TBC1D22A: variants seen among roughly 807,000 people sequenced by gnomAD.
TBC1D22A encodes the protein TBC1 domain family member 22A, also known as putative GTPase activator.
Under a neutral mutation model 60.2 loss-of-function variants are expected in TBC1D22A, and 38 were observed. That is an observed-to-expected ratio of 0.63 (90% CI 0.49 to 0.83). TBC1D22A has a LOEUF of 0.83. TBC1D22A is among the 40% of genes least tolerant of loss of function. The probability of loss-of-function intolerance (pLI) is 0.00; values close to 1 mark genes in which losing one functional copy is unlikely to be tolerated. For missense variants in TBC1D22A, 628 were observed against 701.0 expected (o/e 0.90, Z 1.18); for synonymous variants, 302 against 281.7 (o/e 1.07, Z -0.72).
intron 8 of TBC1D22A, among the ~76,000 whole-genome samples, chr22:46,920,340 A>G (rs1432723594): frequency 2.6e-5 from 4 of 152,140 alleles, no homozygotes; most frequent in African/African-American, 7.2e-5. Flanking sequence ...TGGCCTCTCA[A>G]AGTGCTGGGA....
chr22:46,841,156 G>A (rs967892331), intron 4 of TBC1D22A, among the ~76,000 whole-genome samples: 4 of 152,044 alleles, frequency 2.6e-5, no homozygotes, highest in African/African-American at 9.7e-5. Flanking sequence ...GTGTTGAAAT[G>A]TAATCAGCAA....
chr22:46,961,673 C>G (rs2073511443), intron 8 of TBC1D22A, among the ~76,000 whole-genome samples: 1 of 152,110 alleles, frequency 6.6e-6, no homozygotes, highest in Non-Finnish European at 1.5e-5. Context: ...TTGATGGAGA[C>G]CAGGATTTGA....
chr22:47,011,836 G>A (rs1224948102), intron 10 of TBC1D22A, among the ~76,000 whole-genome samples: 2 of 152,034 alleles, frequency 1.3e-5, no homozygotes, highest in African/African-American at 2.4e-5. Context: ...GAAAAGCTCT[G>A]TAATTTTACC....
chr22:46,929,673 C>T (rs2071242073), intron 8 of TBC1D22A, among the ~76,000 whole-genome samples: 1 of 150,950 alleles, frequency 6.6e-6, no homozygotes, highest in South Asian at 2.1e-4. Flanking sequence ...TTCAACTGGC[C>T]TGATTAGAAA....
At position 46,965,127 on chromosome 22, in the gene TBC1D22A, A is replaced by G. The variant is rs183038673; in HGVS notation, c.1016-9163A>G. 1.5e-3 allele frequency among the ~76,000 whole-genome samples: 230 copies of G among 152,372 alleles called. 1 individual carries two copies. Among genetic ancestry groups the G allele is most frequent in the Admixed American group, 2.6e-3 (40 of 15,304 alleles). On this transcript the variant is annotated intron_variant, in intron 8 of 12. Coordinates refer to ENST00000337137, the MANE Select transcript of TBC1D22A (RefSeq NM_014346.5). ...TGAACGCTGGATTGTCAGAGCAGCA[A>G]GCTCTTCCAGTTAGCACTTTGGGAT...
intron 1 of TBC1D22A, among the ~76,000 whole-genome samples, chr22:46,779,269 A>G (rs1272716021): frequency 1.3e-5 from 2 of 152,158 alleles, no homozygotes; most frequent in Non-Finnish European, 2.9e-5. Flanking sequence ...AGGTGACAGG[A>G]ATTTTTCAAC....
At chr22:47,019,090 T>C (rs965517265) in intron 10 of TBC1D22A, among the ~76,000 whole-genome samples, 3 of 152,274 alleles carry the variant, frequency 2.0e-5, no homozygotes, top group South Asian at 2.1e-4. Context: ...CCCTCTTCAC[T>C]CCCGCGCCTC....
In TBC1D22A at chr22:46,974,400, G is replaced by T; in HGVS notation, c.1125+1G>T. 1 of 1,607,286 alleles carries T rather than the reference G, an allele frequency of 6.2e-7. No homozygotes were observed. Among genetic ancestry groups the T allele is most frequent in the Non-Finnish European group, 8.5e-7 (1 of 1,177,214 alleles). On this transcript the variant is annotated splice_donor_variant, in intron 9 of 12. Transcript: ENST00000337137. LOFTEE classifies it high-confidence loss of function. ...GAGCAAGCTGCTGGATGGCATTCAG[G>T]TGAGCGCCCGCGCCCACGGGACACA...
At chr22:47,079,067 T>C (rs1052776580) in intron 11 of TBC1D22A, among the ~76,000 whole-genome samples, 2 of 148,004 alleles carry the variant, frequency 1.4e-5, no homozygotes, top group African/African-American at 5.0e-5. Flanking sequence ...AGTGGGTAAG[T>C]GAGAATGTAG....
intron 8 of TBC1D22A, among the ~76,000 whole-genome samples, chr22:46,945,463 C>T (rs924087840): frequency 5.3e-5 from 8 of 152,152 alleles, no homozygotes; most frequent in Non-Finnish European, 1.0e-4. Context: ...TGTTATCACC[C>T]CTGTTTTACA....
chr22:46,807,515 T>G (rs944019493), intron 4 of TBC1D22A, among the ~76,000 whole-genome samples: 1 of 152,190 alleles, frequency 6.6e-6, no homozygotes, highest in Admixed American at 6.5e-5. Flanking sequence ...GCCATTTGCT[T>G]GACGACACGC....
At chr22:46,917,841 G>T (rs2070481154) in intron 8 of TBC1D22A, among the ~76,000 whole-genome samples, 1 of 152,170 alleles carries the variant, frequency 6.6e-6, no homozygotes, top group Admixed American at 6.5e-5. Flanking sequence ...AGCTGGCAAT[G>T]GGGCTGTCCC....
intron 4 of TBC1D22A, among the ~76,000 whole-genome samples, chr22:46,833,081 G>A (rs537261033): frequency 6.6e-6 from 1 of 152,374 alleles, no homozygotes; most frequent in East Asian, 1.9e-4. Flanking sequence ...TCCTGACTAG[G>A]AGGCCCAGCC....
intron 12 of TBC1D22A, among the ~76,000 whole-genome samples, chr22:47,123,467 G>A (rs1461571634): frequency 2.0e-5 from 3 of 152,180 alleles, no homozygotes; most frequent in African/African-American, 7.2e-5. Context: ...ATCCTTTTGG[G>A]CCAGTCCATT....
At chr22:46,904,130 T>TCTGC (rs1207567568) in intron 7 of TBC1D22A, among the ~76,000 whole-genome samples, 16 of 96,708 alleles carry the variant, frequency 1.7e-4, no homozygotes, top group African/African-American at 8.5e-4. Flanking sequence ...TATCTATCTA[T>TCTGC]CTATCTATCT....
At chr22:46,922,892 C>T (rs1431793149) in intron 8 of TBC1D22A, among the ~76,000 whole-genome samples, 2 of 152,200 alleles carry the variant, frequency 1.3e-5, no homozygotes, top group African/African-American at 4.8e-5. Context: ...TATTTCCTCT[C>T]TTCCTATTGA....
At chr22:46,846,132 T>C (rs2086979711) in intron 4 of TBC1D22A, among the ~76,000 whole-genome samples, 1 of 152,250 alleles carries the variant, frequency 6.6e-6, no homozygotes, top group African/African-American at 2.4e-5. Flanking sequence ...ACAATGCATC[T>C]GGAAGGCAGC....
intron 12 of TBC1D22A, among the ~76,000 whole-genome samples, chr22:47,124,055 G>C (rs1170199541): frequency 6.6e-6 from 1 of 152,182 alleles, no homozygotes; most frequent in Non-Finnish European, 1.5e-5. Flanking sequence ...GGTCCATGGT[G>C]GGTGCGCTTA....
At chr22:47,079,612 A>G (rs1174386556) in intron 11 of TBC1D22A, among the ~76,000 whole-genome samples, 1 of 152,236 alleles carries the variant, frequency 6.6e-6, no homozygotes, top group African/African-American at 2.4e-5. Context: ...TAAACCCTAG[A>G]GCGACCACTA....
Sources: allele counts gnomAD v4.1 joint callset (sites outside exome capture counted in the v4.1 genomes callset), GRCh38; gene constraint gnomAD v4.1.1; transcripts MANE v1.5; gene names NCBI Gene and HGNC (gene_info 2026-07-23, HGNC 2026-07-21).